Variants in TRAPPC11 observed in about 807,000 individuals in gnomAD.
TRAPPC11 encodes the protein trafficking protein particle complex subunit 11, also known as foie gras homolog.
Under a neutral mutation model 151.2 loss-of-function variants are expected in TRAPPC11, and 104 were observed. The observed-to-expected ratio is 0.69, with a 90% CI of 0.59 to 0.81. The LOEUF is 0.81. Among genes scored for constraint, TRAPPC11 ranks in the 30% least tolerant of loss-of-function variants. TRAPPC11 has a pLI of 0.00. For missense variants in TRAPPC11, 1,230 were observed against 1,349.6 expected, an observed-to-expected ratio of 0.91 and a Z score of 1.39; for synonymous variants, 456 against 472.3, an observed-to-expected ratio of 0.97 and a Z score of 0.45.
In TRAPPC11 at chr4:183,704,975, A is replaced by G. The variant is rs1736982227; in HGVS notation, c.2964-4A>G. The stretch of plus-strand genomic sequence containing the variant: ...GTTTAAAAAGATGACCTCTTCTGCC[A>G]CAGGACCTCAGCAATGGAGAATATC... On this transcript the variant is annotated splice_region_variant and splice_polypyrimidine_tract_variant and intron_variant, in intron 26 of 29. Coordinates refer to ENST00000334690, the MANE Select transcript of TRAPPC11 (RefSeq NM_021942.6). 2 of 1,571,282 alleles carry G rather than the reference A, an allele frequency of 1.3e-6. No homozygotes were observed. Among genetic ancestry groups the G allele is most frequent in the Non-Finnish European group, 1.7e-6 (2 of 1,150,212 alleles).
chr4:183,686,396 C>T (rs1173069289), intron 17 of TRAPPC11, among the ~76,000 whole-genome samples: 2 of 152,190 alleles, frequency 1.3e-5, no homozygotes, highest in Non-Finnish European at 1.5e-5. Context: ...CTTGGCCTCC[C>T]CAAGTGTTGG....
Position 183,684,713 on chromosome 4 carries a change from T to C in TRAPPC11, c.1439T>C (p.Met480Thr), listed in dbSNP as rs1243778967. The C allele has an allele frequency of 6.2e-7, 1 of 1,614,002 alleles. No homozygotes were observed. Among genetic ancestry groups the C allele is most frequent in the South Asian group, 1.1e-5 (1 of 91,074 alleles). ...TKALKLLDYV[M>T]CDYRSEGWWT... ...TCTTTGAGGTTGCTGGATTATGTGA[T>C]GTGTGATTATCGGAGTGAAGGATGG... Residue 480 changes from methionine (M) to threonine (T), a missense_variant, in exon 15 of 30, where the codon ATG becomes ACG. Met to Thr is a moderately conservative substitution (Grantham distance 81). Coordinates refer to ENST00000334690, the MANE Select transcript of TRAPPC11 (RefSeq NM_021942.6).
chr4:183,682,605 T>C, intron 10 of TRAPPC11, 127 bp from the exon 11 acceptor site: 2 of 442,008 alleles, frequency 4.5e-6, no homozygotes, highest in Non-Finnish European at 8.0e-6. Flanking sequence ...ATTCACAAAT[T>C]TGATAATTGA....
intron 8 of TRAPPC11, among the ~76,000 whole-genome samples, chr4:183,678,065 A>G (rs1735500493): frequency 6.6e-6 from 1 of 151,048 alleles, no homozygotes; most frequent in Non-Finnish European, 1.5e-5. Context: ...CAGCCTTCTG[A>G]GTAGCTGGGA....
chr4:183,667,194 G>C, intron 4 of TRAPPC11, 64 bp downstream of exon 4: 2 of 1,342,310 alleles, frequency 1.5e-6, no homozygotes, highest in South Asian at 2.7e-5. Flanking sequence ...AAGGGAGATA[G>C]GGGTTTTTTG....
chr4:183,685,375 A>G lies in TRAPPC11; in HGVS notation c.1734A>G (p.Thr578=). ...RISLAGSNIF[T]IGVQDFVPFV... ...CTCTGGCTGGCAGCAATATTTTCAC[A>G]ATAGGAGTACAGGACTTTGTGCCAT... The change falls in exon 17 of 30, where the codon ACA becomes ACG. Residue 578 remains threonine (T), a synonymous_variant. Coordinates refer to ENST00000334690, the MANE Select transcript of TRAPPC11 (RefSeq NM_021942.6). The G allele has an allele frequency of 6.2e-7, 1 of 1,614,186 alleles. No individual in the cohort carries two copies. The highest frequency in any genetic ancestry group is 1.3e-5 in the African/African-American group (1 of 75,064).
chr4:183,712,547 T>G, intron 29 of TRAPPC11, 53 bp from the exon 30 acceptor site: 1 of 1,533,770 alleles, frequency 6.5e-7, no homozygotes. Context: ...TAATAGAGCT[T>G]TTGTTATTAT....
At chr4:183,668,743 C>T (rs1479419703) in intron 5 of TRAPPC11, among the ~76,000 whole-genome samples, 1 of 152,222 alleles carries the variant, frequency 6.6e-6, no homozygotes, top group African/African-American at 2.4e-5. Flanking sequence ...GGAGACACAA[C>T]ATTACCTCAA....
chr4:183,675,956 G>C (rs10049952), intron 7 of TRAPPC11, among the ~76,000 whole-genome samples: 29,786 of 151,630 alleles, frequency 0.2, 3,042 homozygotes, highest in East Asian at 0.27. Context: ...TGAAGACAAA[G>C]GTATTAAAAA....
At chr4:183,697,210 G>A (rs1180123903) in intron 23 of TRAPPC11, among the ~76,000 whole-genome samples, 1 of 151,916 alleles carries the variant, frequency 6.6e-6, no homozygotes, top group Middle Eastern at 3.2e-3. Context: ...TGTAGTCCCA[G>A]CTGCTCAGGA....
intron 26 of TRAPPC11, among the ~76,000 whole-genome samples, chr4:183,702,703 G>T (rs990201418): frequency 3.3e-5 from 5 of 152,162 alleles, no homozygotes; most frequent in Non-Finnish European, 7.3e-5. Flanking sequence ...AGCAGGAAGG[G>T]CTCTGCAGGA....
In TRAPPC11 at chr4:183,685,416, C is replaced by T. The variant is rs1485203101; in HGVS notation, c.1762+13C>T. The T allele has an allele frequency of 3.1e-6, 5 of 1,610,620 alleles. No homozygotes were observed. Among genetic ancestry groups the T allele is most frequent in the Non-Finnish European group, 1.7e-6 (2 of 1,177,024 alleles). On this transcript the variant is annotated intron_variant, in intron 17 of 29. Transcript: ENST00000334690. ...TTTGTGCCATTTGGTAGGTAGCTAA[C>T]ATCTACAGTACTATTTCAGAGAAAT...
Position 183,691,407 on chromosome 4 carries a change from G to T in TRAPPC11, c.1985G>T (p.Gly662Val). 3.9e-6 allele frequency: 6 copies of T among 1,549,766 alleles called. No individual in the cohort carries two copies. The highest frequency in any genetic ancestry group is 5.3e-6 in the Non-Finnish European group (6 of 1,140,284). The change falls in exon 19 of 30, where the codon GGC becomes GTC. Residue 662 changes from glycine (G) to valine (V), a missense_variant. Gly to Val is a moderately radical substitution (Grantham distance 109). Transcript: ENST00000334690. ...LTQGKMCLVPGKTRKLLFKFV... is the reference protein window; with the variant it reads ...LTQGKMCLVPVKTRKLLFKFV... ...CAAGGAAAGATGTGCCTAGTTCCTG[G>T]CAAAACAAGAAAACTGTTATTTAAG...
chr4:183,669,408 A>C (rs1164146515), intron 5 of TRAPPC11, among the ~76,000 whole-genome samples: 1 of 152,130 alleles, frequency 6.6e-6, no homozygotes, highest in Non-Finnish European at 1.5e-5. Flanking sequence ...TGGACAGCTC[A>C]CCATTGACTC....
At chr4:183,700,414 C>T (rs929166494) in intron 25 of TRAPPC11, among the ~76,000 whole-genome samples, 19 of 152,188 alleles carry the variant, frequency 1.2e-4, no homozygotes, top group African/African-American at 4.6e-4. Flanking sequence ...ATAAAAATAG[C>T]CTAATGTTTA....
At chr4:183,695,559 A>G (rs867473694) in intron 23 of TRAPPC11, among the ~76,000 whole-genome samples, 6 of 152,234 alleles carry the variant, frequency 3.9e-5, no homozygotes, top group Middle Eastern at 3.4e-3. Flanking sequence ...AATAGATTCA[A>G]TTGTGCTGTA....
Position 183,713,250 on chromosome 4 carries a change from A to G in TRAPPC11, c.*606A>G, listed in dbSNP as rs890217864. On this transcript the variant is annotated 3_prime_UTR_variant, in exon 30 of 30. Transcript: ENST00000334690. Reference sequence around the variant, plus strand: ...TCAGCTTGCTGCCAAAATATGGATCATTTATGAAGCAGGTTCATATTTTAG... The same window carrying G: ...TCAGCTTGCTGCCAAAATATGGATCGTTTATGAAGCAGGTTCATATTTTAG... The G allele has an allele frequency of 1.3e-5, 2 of 152,298 alleles. No homozygotes were observed. The highest frequency in any genetic ancestry group is 4.1e-4 in the South Asian group (2 of 4,834). The allele number at this position is 152,298 out of a possible 1,614,324, so 9.4% of individuals were successfully genotyped here. A position where few individuals can be genotyped will look rare whatever the true frequency, so the allele number is the denominator to read the frequency against.
At chr4:183,706,149 T>A (rs1183927860) in intron 27 of TRAPPC11, 1 of 152,208 alleles carries the variant, frequency 6.6e-6, no homozygotes, top group Non-Finnish European at 1.5e-5. Flanking sequence ...GTTTTACTTA[T>A]AACTTCACTG....
rs202105209 is a variant in TRAPPC11, at chr4:183,662,354, CAA to C, written c.-21-1476_-21-1475del. ...CTGGTGACAGAGTGATACTCCGTCT[CAA>C]AAAAAAAAAAAAAAAAGAACCTCAT... On this transcript the variant is annotated intron_variant, in intron 1 of 29. Coordinates refer to ENST00000334690, the MANE Select transcript of TRAPPC11 (RefSeq NM_021942.6). 2.7e-3 allele frequency among the ~76,000 whole-genome samples: 302 copies of C among 110,234 alleles called. 2 individuals carry two copies. The highest frequency in any genetic ancestry group is 3.5e-3 in the Non-Finnish European group (192 of 54,964). The allele number at this position is 110,234 out of a possible 152,430, so 72.3% of individuals were successfully genotyped here.
Sources: allele counts gnomAD v4.1 joint callset (sites outside exome capture counted in the v4.1 genomes callset), GRCh38; gene constraint gnomAD v4.1.1; transcripts MANE v1.5; gene names NCBI Gene and HGNC (gene_info 2026-07-23, HGNC 2026-07-21).